Variants in TOX2 observed in about 807,000 individuals in gnomAD.
TOX2 encodes TOX high mobility group box family member 2.
In TOX2, 15 loss-of-function variants were observed where a neutral mutation model predicts 47.4. The ratio of observed to expected loss-of-function variants is 0.32; its 90% CI spans 0.21 to 0.49. TOX2 has a LOEUF of 0.49. TOX2 is among the 20% of genes least tolerant of loss of function. TOX2 has a pLI of 0.99. For missense variants in TOX2, 622 were observed against 673.1 expected (o/e 0.92, Z 0.84); for synonymous variants, 290 against 296.6 (o/e 0.98, Z 0.23).
intron 3 of TOX2, among the ~76,000 whole-genome samples, chr20:44,029,611 A>G (rs1280971723): frequency 1.3e-5 from 2 of 152,176 alleles, no homozygotes; most frequent in East Asian, 1.9e-4. Flanking sequence ...TGGCAAACCC[A>G]TGTTCCAGTC....
chr20:43,957,106 C>T (rs573304194), intron 1 of TOX2, among the ~76,000 whole-genome samples: 92 of 152,328 alleles, frequency 6.0e-4, no homozygotes, highest in South Asian at 3.9e-3. Flanking sequence ...GTGATTGCTT[C>T]GAGGGCTGAA....
chr20:44,019,392 G>A (rs1187616861), intron 3 of TOX2, among the ~76,000 whole-genome samples: 1 of 152,228 alleles, frequency 6.6e-6, no homozygotes, highest in East Asian at 1.9e-4. Context: ...GACCCCAAGT[G>A]CTTTATGTCC....
intron 1 of TOX2, among the ~76,000 whole-genome samples, chr20:43,967,750 G>C (rs951683208): frequency 6.6e-6 from 1 of 152,138 alleles, no homozygotes; most frequent in African/African-American, 2.4e-5. Flanking sequence ...TTGAAATCAT[G>C]TTATGAATAT....
intron 3 of TOX2, among the ~76,000 whole-genome samples, chr20:44,029,858 ACTC>A (rs1229996861): frequency 3.3e-5 from 5 of 150,382 alleles, no homozygotes; most frequent in Non-Finnish European, 5.9e-5. Context: ...TGACTATAAA[ACTC>A]CTCTGGTTAG....
At chr20:44,042,695 A>C (rs1424732449) in intron 3 of TOX2, among the ~76,000 whole-genome samples, 1 of 152,216 alleles carries the variant, frequency 6.6e-6, no homozygotes, top group Non-Finnish European at 1.5e-5. Flanking sequence ...ATTTCAAAGA[A>C]ACTTTGAGAC....
intron 1 of TOX2, chr20:43,945,558 C>T: frequency 3.9e-6 from 1 of 253,680 alleles, no homozygotes; most frequent in South Asian, 5.0e-5. Flanking sequence ...TGCCAATTTG[C>T]CTTCCGAAGG....
intron 3 of TOX2, among the ~76,000 whole-genome samples, chr20:44,045,013 C>T (rs759710374): frequency 2.7e-4 from 41 of 152,224 alleles, no homozygotes; most frequent in African/African-American, 8.4e-4. Context: ...AAGTCAGTCA[C>T]GAAAGAATAC....
intron 3 of TOX2, among the ~76,000 whole-genome samples, chr20:44,025,875 C>T (rs1413620521): frequency 6.6e-6 from 1 of 151,900 alleles, no homozygotes; most frequent in Non-Finnish European, 1.5e-5. Context: ...ACCATCATAG[C>T]GCCTGCCTCA....
At chr20:43,951,540 G>A (rs2069566493) in intron 1 of TOX2, among the ~76,000 whole-genome samples, 1 of 151,922 alleles carries the variant, frequency 6.6e-6, no homozygotes, top group African/African-American at 2.4e-5. Context: ...TCGTGCCATT[G>A]CAATCCAGCC....
chr20:44,063,632 C>CA (rs1569150685), intron 5 of TOX2, among the ~76,000 whole-genome samples: 2 of 151,922 alleles, frequency 1.3e-5, no homozygotes, highest in African/African-American at 4.8e-5. Context: ...AGAAATTTTA[C>CA]AAAAAAGATA....
At chr20:43,999,548 G>T (rs549395388) in intron 2 of TOX2, among the ~76,000 whole-genome samples, 4 of 152,138 alleles carry the variant, frequency 2.6e-5, no homozygotes, top group Non-Finnish European at 4.4e-5. Context: ...CTCCTAAACT[G>T]AAAACTACAC....
intron 2 of TOX2, among the ~76,000 whole-genome samples, chr20:43,993,799 T>C (rs545442478): frequency 6.6e-6 from 1 of 152,330 alleles, no homozygotes; most frequent in African/African-American, 2.4e-5. Flanking sequence ...GCTGGGCTTT[T>C]GTGTAGGACA....
chr20:44,013,445 A>T (rs2070816032), intron 3 of TOX2, among the ~76,000 whole-genome samples: 1 of 152,224 alleles, frequency 6.6e-6, no homozygotes, highest in South Asian at 2.1e-4. Context: ...CACAAGGAAG[A>T]AAGACCCTCA....
intron 2 of TOX2, among the ~76,000 whole-genome samples, chr20:43,995,492 A>G (rs530953549): frequency 1.3e-5 from 2 of 152,344 alleles, no homozygotes; most frequent in South Asian, 2.1e-4. Context: ...GAATCGCACT[A>G]CAGTCTTTTA....
intron 3 of TOX2, among the ~76,000 whole-genome samples, chr20:44,026,395 A>G (rs1022026038): frequency 2.0e-5 from 3 of 151,428 alleles, no homozygotes; most frequent in Non-Finnish European, 4.4e-5. Context: ...ATTCTCACTC[A>G]TAAGTGGGAG....
At chr20:43,979,254 C>G (rs945081869) in intron 2 of TOX2, among the ~76,000 whole-genome samples, 1 of 152,050 alleles carries the variant, frequency 6.6e-6, no homozygotes, top group Non-Finnish European at 1.5e-5. Context: ...ATATCAAAAC[C>G]TTGGGAGTGA....
At chr20:43,980,673 A>G (rs10211745) in intron 2 of TOX2, among the ~76,000 whole-genome samples, 2 of 152,300 alleles carry the variant, frequency 1.3e-5, no homozygotes, top group East Asian at 3.9e-4. Flanking sequence ...GATTTGATAA[A>G]TGTTAAATCA....
At chr20:43,991,933 C>T (rs778260722) in intron 2 of TOX2, among the ~76,000 whole-genome samples, 14 of 152,112 alleles carry the variant, frequency 9.2e-5, no homozygotes, top group Non-Finnish European at 1.5e-4. Flanking sequence ...CTGCAGCCAG[C>T]CATAATCATT....
chr20:43,928,139 T>C (rs892633778), intron 1 of TOX2, among the ~76,000 whole-genome samples: 1 of 152,098 alleles, frequency 6.6e-6, no homozygotes, highest in African/African-American at 2.4e-5. Context: ...TGCAAAGGCA[T>C]AGAAGGTGCT....
Sources: gnomAD v4.1 joint callset for allele counts (sites outside exome capture counted in the v4.1 genomes callset) on GRCh38, gnomAD v4.1.1 for gene constraint, MANE v1.5 for transcripts, NCBI Gene and HGNC (gene_info 2026-07-23, HGNC 2026-07-21) for gene names.